Variants in CDC14A observed in about 807,000 individuals in gnomAD.
CDC14A encodes the protein cell division cycle 14A.
Under a neutral mutation model 74.4 loss-of-function variants are expected in CDC14A, and 53 were observed. That is an observed-to-expected ratio of 0.71 (90% CI 0.57 to 0.89). CDC14A has a LOEUF of 0.89. Ranked by LOEUF, CDC14A falls within the 40% of genes least tolerant of loss-of-function variation. The pLI is 0.00. For synonymous variants in CDC14A, 247 were observed against 258.4 expected, an observed-to-expected ratio of 0.96 and a Z score of 0.43; for missense variants, 646 against 713.7, an observed-to-expected ratio of 0.91 and a Z score of 1.08.
chr1:100,443,854 T>C (rs900682464), intron 7 of CDC14A, among the ~76,000 whole-genome samples: 13 of 152,258 alleles, frequency 8.5e-5, no homozygotes, highest in African/African-American at 3.1e-4. Flanking sequence ...CTAGAAGTCA[T>C]TAACTTTTTC....
In CDC14A at chr1:100,520,016, C is replaced by G. The variant is rs1180639543; in HGVS notation, c.*1736C>G. The G allele has an allele frequency of 6.6e-6, 1 of 151,644 alleles. No homozygotes were observed. The highest frequency in any genetic ancestry group is 1.5e-5 in the Non-Finnish European group (1 of 67,750). 9.4% of individuals were successfully genotyped at this position (151,644 alleles called of 1,614,324 possible). A position where few individuals can be genotyped will look rare whatever the true frequency, so the allele number is the denominator to read the frequency against. ...TGTAAAGTTGACTACTGTAAATTTC[C>G]CATAATTATGTGTGTATATGTGTCA... On this transcript the variant is annotated 3_prime_UTR_variant, in exon 16 of 16. Transcript: ENST00000336454.
At chr1:100,461,777 C>T (rs2101217418) in intron 8 of CDC14A, among the ~76,000 whole-genome samples, 1 of 152,246 alleles carries the variant, frequency 6.6e-6, no homozygotes, top group South Asian at 2.1e-4. Flanking sequence ...AGGAAGTGTC[C>T]ACAAAAGTTA....
At chr1:100,360,564 C>T (rs1278487050) in intron 2 of CDC14A, among the ~76,000 whole-genome samples, 3 of 151,754 alleles carry the variant, frequency 2.0e-5, no homozygotes, top group South Asian at 2.1e-4. Context: ...AGGCTGGTCT[C>T]GAACTCCTGG....
At chr1:100,454,734 A>T (rs1666509459) in intron 7 of CDC14A, among the ~76,000 whole-genome samples, 1 of 152,236 alleles carries the variant, frequency 6.6e-6, no homozygotes, top group Admixed American at 6.5e-5. Flanking sequence ...ATGAAAATTC[A>T]GTTGGAAGAT....
At chr1:100,500,974 G>A (rs1046162991) in intron 15 of CDC14A, among the ~76,000 whole-genome samples, 8 of 151,730 alleles carry the variant, frequency 5.3e-5, no homozygotes, top group African/African-American at 1.9e-4. Flanking sequence ...CATATCTGAT[G>A]TTCCCTGTCC....
At chr1:100,503,487 C>T (rs1321673781) in intron 15 of CDC14A, among the ~76,000 whole-genome samples, 2 of 152,210 alleles carry the variant, frequency 1.3e-5, no homozygotes, top group Non-Finnish European at 2.9e-5. Context: ...ATTGCTCACT[C>T]ACTTTTTGCA....
intron 10 of CDC14A, among the ~76,000 whole-genome samples, 158 bp downstream of exon 10, chr1:100,468,252 A>C (rs1186363549): frequency 2.0e-5 from 3 of 152,222 alleles, no homozygotes; most frequent in African/African-American, 7.2e-5. Flanking sequence ...TTTGACAGCT[A>C]ATGCATTCTA....
Position 100,417,258 on chromosome 1 carries a change from T to A in CDC14A, c.310-6964T>A, listed in dbSNP as rs894521302. On this transcript the variant is annotated intron_variant, in intron 4 of 15. Transcript: ENST00000336454. ...TGCGATGATGCAAGGTAGGCTCAGG[T>A]TGAGTCTGGTCACTTCATAGGCCAT... 2.6e-5 allele frequency among the ~76,000 whole-genome samples: 4 copies of A among 152,220 alleles called. No individual in the cohort carries two copies. The South Asian group carries it at 8.3e-4, about 31-fold the overall frequency.
intron 4 of CDC14A, among the ~76,000 whole-genome samples, chr1:100,399,023 C>T (rs374293394): frequency 3.3e-5 from 5 of 151,898 alleles, no homozygotes; most frequent in Admixed American, 6.6e-5. Context: ...TTTAAATGTC[C>T]GTTTTGAAAA....
intron 15 of CDC14A, among the ~76,000 whole-genome samples, chr1:100,499,699 A>G (rs980016615): frequency 6.6e-6 from 1 of 152,152 alleles, no homozygotes; most frequent in African/African-American, 2.4e-5. Context: ...TCCGCATCAT[A>G]TATCAGTGAA....
At chr1:100,486,799 G>T (rs1394687202) in intron 11 of CDC14A, among the ~76,000 whole-genome samples, 1 of 152,190 alleles carries the variant, frequency 6.6e-6, no homozygotes, top group Non-Finnish European at 1.5e-5. Context: ...TGATGGTATG[G>T]TGAATATTTT....
At chr1:100,410,073 G>A (rs1279789639) in intron 4 of CDC14A, among the ~76,000 whole-genome samples, 4 of 152,060 alleles carry the variant, frequency 2.6e-5, no homozygotes, top group South Asian at 2.1e-4. Context: ...TTAACCAGGT[G>A]TGGTGGTGCA....
chr1:100,403,564 C>T (rs1659551801), intron 4 of CDC14A, among the ~76,000 whole-genome samples: 1 of 152,232 alleles, frequency 6.6e-6, no homozygotes, highest in African/African-American at 2.4e-5. Context: ...CTCTAAACAT[C>T]AAGATGCATA....
In CDC14A at chr1:100,360,629, G is replaced by A. The variant is rs749607303; in HGVS notation, c.140+6777G>A. On this transcript the variant is annotated intron_variant, in intron 2 of 15. Transcript: ENST00000336454. Reference sequence around the variant, plus strand: ...CAAAGTGCTGGGATTACAGGTGTGAGCCACCGTGCCTGGCCCACAGTTCTT... The same window carrying A: ...CAAAGTGCTGGGATTACAGGTGTGAACCACCGTGCCTGGCCCACAGTTCTT... Among the ~76,000 whole-genome samples the A allele has an allele frequency of 3.9e-5, 6 of 152,158 alleles. No individual in the cohort carries two copies. In the East Asian group the frequency reaches 7.7e-4, roughly 19 times the overall value.
At chr1:100,439,908 T>A (rs1664740349) in intron 5 of CDC14A, 24 bp from the exon 6 acceptor site, 2 of 1,554,200 alleles carry the variant, frequency 1.3e-6, no homozygotes, top group Non-Finnish European at 1.8e-6. Context: ...AAGTTTTTAA[T>A]GTTGAGTTTA....
In CDC14A at chr1:100,467,979, T is replaced by C. The variant is rs1357499512; in HGVS notation, c.862T>C (p.Leu288=). ...CKAGLGRTGT[L]IACYVMKHYR... ...AGCTGGTCTTGGAAGAACAGGGACA[T>C]TGATAGCCTGTTATGTAATGAAACA... Residue 288 remains leucine (L), a synonymous_variant, in exon 10 of 16, where the codon TTG becomes CTG. Coordinates refer to ENST00000336454, the MANE Select transcript of CDC14A (RefSeq NM_003672.4). 4 of 1,605,960 alleles carry C rather than the reference T, an allele frequency of 2.5e-6. No homozygotes were observed. Among genetic ancestry groups the C allele is most frequent in the Admixed American group, 3.4e-5 (2 of 58,074 alleles).
rs145465222 is a variant in CDC14A at position 100,391,647 on chromosome 1, T to A, written c.309+823T>A. Among the ~76,000 whole-genome samples, 93 of 152,298 alleles carry A rather than the reference T, an allele frequency of 6.1e-4. No individual in the cohort carries two copies. The Middle Eastern group carries it at 0.017, about 28-fold the overall frequency. On this transcript the variant is annotated intron_variant, in intron 4 of 15. Transcript: ENST00000336454. ...TCCTCTGAAGCCATGGAAGCAACCC[T>A]GCTGAGTGACTTTTCAAGGGCCTCA...
At chr1:100,477,383 A>C (rs1401682814) in intron 10 of CDC14A, among the ~76,000 whole-genome samples, 1 of 151,860 alleles carries the variant, frequency 6.6e-6, no homozygotes, top group Non-Finnish European at 1.5e-5. Context: ...AAATACTCCA[A>C]ATTAGAAAGT....
intron 5 of CDC14A, among the ~76,000 whole-genome samples, chr1:100,428,827 T>G (rs1184976192): frequency 6.6e-6 from 1 of 152,212 alleles, no homozygotes; most frequent in Non-Finnish European, 1.5e-5. Context: ...TTATACTTAT[T>G]TCTTTGTTTA....
Sources: allele counts gnomAD v4.1 joint callset (sites outside exome capture counted in the v4.1 genomes callset), GRCh38; gene constraint gnomAD v4.1.1; transcripts MANE v1.5; gene names NCBI Gene and HGNC (gene_info 2026-07-23, HGNC 2026-07-21).